DNAJC1: variants seen among roughly 807,000 people sequenced by gnomAD.
DNAJC1 encodes dnaJ homolog subfamily C member 1.
Under a neutral mutation model 76.6 loss-of-function variants are expected in DNAJC1, and 58 were observed. The ratio of observed to expected loss-of-function variants is 0.76; its 90% CI spans 0.61 to 0.94. DNAJC1 has a LOEUF of 0.94. DNAJC1 is among the 40% of genes least tolerant of loss of function. DNAJC1 has a pLI of 0.00. For missense variants in DNAJC1, 689 were observed against 677.3 expected, an observed-to-expected ratio of 1.02 and a Z score of -0.19; for synonymous variants, 258 against 267.9, an observed-to-expected ratio of 0.96 and a Z score of 0.36.
At chr10:21,760,012 G>A (rs1834222750) in intron 10 of DNAJC1, among the ~76,000 whole-genome samples, 1 of 152,198 alleles carries the variant, frequency 6.6e-6, no homozygotes, top group South Asian at 2.1e-4. Context: ...AAATCAACTG[G>A]TCAAACCTTA....
intron 1 of DNAJC1, among the ~76,000 whole-genome samples, chr10:21,953,899 T>C (rs1419477964): frequency 2.0e-5 from 3 of 151,336 alleles, no homozygotes; most frequent in African/African-American, 7.3e-5. Context: ...ACACTTTCCT[T>C]TGTTAGTTTA....
chr10:21,915,063 T>C (rs1836930150), intron 6 of DNAJC1, among the ~76,000 whole-genome samples: 1 of 152,250 alleles, frequency 6.6e-6, no homozygotes, highest in African/African-American at 2.4e-5. Flanking sequence ...TAGTGCTTTG[T>C]TCTGATATAC....
At chr10:21,845,994 A>G (rs1193702436) in intron 8 of DNAJC1, among the ~76,000 whole-genome samples, 1 of 152,190 alleles carries the variant, frequency 6.6e-6, no homozygotes, top group Non-Finnish European at 1.5e-5. Flanking sequence ...TGCTAAGTAG[A>G]ATATCCATAG....
At chr10:21,983,801 G>A (rs189653246) in intron 1 of DNAJC1, among the ~76,000 whole-genome samples, 6 of 151,996 alleles carry the variant, frequency 3.9e-5, no homozygotes, top group South Asian at 2.1e-4. Flanking sequence ...TTGTTTAATC[G>A]GTGCAGAGTT....
At chr10:21,940,378 A>C (rs1325950030) in intron 1 of DNAJC1, among the ~76,000 whole-genome samples, 1 of 152,176 alleles carries the variant, frequency 6.6e-6, no homozygotes, top group Non-Finnish European at 1.5e-5. Flanking sequence ...ATTCAAATTT[A>C]TGTAAGATTA....
At chr10:21,829,918 T>C (rs531016197) in intron 8 of DNAJC1, among the ~76,000 whole-genome samples, 12 of 152,354 alleles carry the variant, frequency 7.9e-5, no homozygotes, top group Middle Eastern at 3.4e-3. Context: ...CCTCTCTCAA[T>C]TGGCTTGGAA....
chr10:21,851,689 A>T (rs1028591576), intron 8 of DNAJC1, among the ~76,000 whole-genome samples: 3 of 152,208 alleles, frequency 2.0e-5, no homozygotes, highest in African/African-American at 7.2e-5. Context: ...ACACATTTGT[A>T]GCACCATCAT....
At chr10:21,803,596 T>C (rs934631654) in intron 9 of DNAJC1, among the ~76,000 whole-genome samples, 1 of 148,182 alleles carries the variant, frequency 6.7e-6, no homozygotes, top group Non-Finnish European at 1.5e-5. Flanking sequence ...TTTCTGTGTG[T>C]GTGTGTGTGT....
chr10:21,874,579 A>G (rs542708238), intron 8 of DNAJC1, among the ~76,000 whole-genome samples: 10 of 152,364 alleles, frequency 6.6e-5, no homozygotes, highest in Non-Finnish European at 1.3e-4. Flanking sequence ...AGTGTCCAGA[A>G]TAGACAAATC....
At chr10:21,842,377 C>G (rs1339934761) in intron 8 of DNAJC1, among the ~76,000 whole-genome samples, 1 of 151,872 alleles carries the variant, frequency 6.6e-6, no homozygotes, top group Non-Finnish European at 1.5e-5. Flanking sequence ...TGAGGGATTT[C>G]CAAGGAAGAG....
At chr10:21,925,413 G>A (rs756265193) in intron 3 of DNAJC1, among the ~76,000 whole-genome samples, 3 of 152,198 alleles carry the variant, frequency 2.0e-5, no homozygotes, top group South Asian at 2.1e-4. Context: ...AGGCTTAAAC[G>A]TTTATTCACA....
chr10:21,776,201 T>C (rs1834452963), intron 9 of DNAJC1, among the ~76,000 whole-genome samples: 1 of 152,174 alleles, frequency 6.6e-6, no homozygotes, highest in Admixed American at 6.5e-5. Flanking sequence ...AAAACTATAG[T>C]TCACAGGCCA....
chr10:21,940,148 T>C (rs1837382499), intron 1 of DNAJC1, among the ~76,000 whole-genome samples: 1 of 151,868 alleles, frequency 6.6e-6, no homozygotes, highest in Non-Finnish European at 1.5e-5. Flanking sequence ...ATATAAAATT[T>C]AAAATAAATA....
intron 4 of DNAJC1, 57 bp downstream of exon 4, chr10:21,920,741 C>A: frequency 6.7e-7 from 1 of 1,489,188 alleles, no homozygotes; most frequent in Non-Finnish European, 9.0e-7. Context: ...AATAAATGTC[C>A]AAAATTCCAT....
chr10:22,001,339 A>G (rs1838515649), intron 1 of DNAJC1, among the ~76,000 whole-genome samples: 1 of 152,208 alleles, frequency 6.6e-6, no homozygotes, highest in African/African-American at 2.4e-5. Flanking sequence ...GTCATCTAAC[A>G]AAGTTAAGAT....
At chr10:21,782,070 A>C (rs546291920) in intron 9 of DNAJC1, among the ~76,000 whole-genome samples, 1 of 152,352 alleles carries the variant, frequency 6.6e-6, no homozygotes, top group East Asian at 1.9e-4. Flanking sequence ...AGATAGAGAC[A>C]CAAAAAATCC....
intron 8 of DNAJC1, among the ~76,000 whole-genome samples, chr10:21,837,287 T>A (rs1274377645): frequency 6.6e-6 from 1 of 152,174 alleles, no homozygotes; most frequent in Non-Finnish European, 1.5e-5. Context: ...GCCGCCTGCC[T>A]TGGCCTCCCA....
At chr10:21,903,700 G>A (rs1407821757) in intron 7 of DNAJC1, among the ~76,000 whole-genome samples, 1 of 152,122 alleles carries the variant, frequency 6.6e-6, no homozygotes, top group Non-Finnish European at 1.5e-5. Flanking sequence ...GATTGTGATA[G>A]ACTGAAAAAT....
intron 8 of DNAJC1, among the ~76,000 whole-genome samples, chr10:21,814,140 C>T (rs11012793): frequency 0.061 from 9,282 of 152,176 alleles, 916 homozygotes; most frequent in African/African-American, 0.21. Context: ...GCACCTACAG[C>T]GAACATGCTA....
Sources: gnomAD v4.1 joint callset for allele counts (sites outside exome capture counted in the v4.1 genomes callset) on GRCh38, gnomAD v4.1.1 for gene constraint, MANE v1.5 for transcripts, NCBI Gene and HGNC (gene_info 2026-07-23, HGNC 2026-07-21) for gene names.